Variants in SCN10A observed in about 807,000 individuals in gnomAD.
The protein encoded by SCN10A is sodium channel protein type 10 subunit alpha.
SCN10A carries 162 observed loss-of-function variants against 170.7 expected under a neutral mutation model. That is an observed-to-expected ratio of 0.95 (90% CI 0.84 to 1.08). The LOEUF is 1.08. SCN10A is among the 50% of genes least tolerant of loss of function. SCN10A has a pLI of 0.00. For missense variants in SCN10A, 2,527 were observed against 2,436.9 expected, an observed-to-expected ratio of 1.04 and a Z score of -0.78; for synonymous variants, 985 against 904.6, an observed-to-expected ratio of 1.09 and a Z score of -1.59.
At chr3:38,732,303 T>C (rs1317583698) in intron 15 of SCN10A, among the ~76,000 whole-genome samples, 2 of 152,192 alleles carry the variant, frequency 1.3e-5, no homozygotes, top group Non-Finnish European at 2.9e-5. Flanking sequence ...GGCATAGCCT[T>C]AAACCCCCTG....
At chr3:38,698,640 G>A (rs1223621056) in intron 27 of SCN10A, 78 bp from the exon 28 acceptor site, 2 of 1,401,464 alleles carry the variant, frequency 1.4e-6, no homozygotes, top group Non-Finnish European at 2.0e-6. Flanking sequence ...ATGACACTCT[G>A]CTTTGCTTGG....
intron 14 of SCN10A, among the ~76,000 whole-genome samples, chr3:38,741,531 A>G (rs1340899191): frequency 6.6e-6 from 1 of 152,194 alleles, no homozygotes; most frequent in Non-Finnish European, 1.5e-5. Flanking sequence ...ATAAAATGAG[A>G]TAATCCATGA....
intron 5 of SCN10A, among the ~76,000 whole-genome samples, chr3:38,768,437 G>T (rs1187240397): frequency 1.3e-5 from 2 of 151,992 alleles, no homozygotes; most frequent in Non-Finnish European, 2.9e-5. Context: ...TGGCTTGGTA[G>T]TGGAAAATTC....
rs369495152 is a variant in SCN10A at position 38,756,996 on chromosome 3, G to A, written c.1092+22C>T. ...CCCACCAGCCTCCAACCAAGTCTGC[G>A]TGGGGGAATGCAGCTCAGTACCTGC... On this transcript the variant is annotated intron_variant, in intron 9 of 27. Transcript: ENST00000449082. 2.3e-5 allele frequency: 37 copies of A among 1,604,112 alleles called. No individual in the cohort carries two copies. In the Admixed American group the frequency reaches 3.1e-4, roughly 13 times the overall value.
intron 10 of SCN10A, among the ~76,000 whole-genome samples, chr3:38,756,358 T>C (rs2063804902): frequency 6.6e-6 from 1 of 151,838 alleles, no homozygotes; most frequent in Non-Finnish European, 1.5e-5. Context: ...GTACAGGTCA[T>C]GCCCCAGAGT....
intron 1 of SCN10A, among the ~76,000 whole-genome samples, chr3:38,811,993 C>A (rs1372599204): frequency 6.6e-6 from 1 of 152,224 alleles, no homozygotes; most frequent in Non-Finnish European, 1.5e-5. Context: ...GCCAGGCAAC[C>A]AATCAATACT....
chr3:38,746,167 C>A (rs532682987), intron 13 of SCN10A, among the ~76,000 whole-genome samples: 2 of 147,776 alleles, frequency 1.4e-5, no homozygotes, highest in African/African-American at 5.0e-5. Flanking sequence ...GACACCCCTA[C>A]CTAGATGCTC....
rs187883532 is a variant in SCN10A at position 38,803,731 on chromosome 3, T to C, written c.-32-9689A>G. ...AGTTAATGGGTGCAGCACACCAACA[T>C]GACGCATGTATACATATGTAACAAA... On this transcript the variant is annotated intron_variant, in intron 1 of 27. Coordinates refer to ENST00000449082, the MANE Select transcript of SCN10A (RefSeq NM_006514.4). Among the ~76,000 whole-genome samples, 7 of 152,030 alleles carry C rather than the reference T, an allele frequency of 4.6e-5. No homozygotes were observed. In the East Asian group the frequency reaches 1.2e-3, roughly 25 times the overall value.
At chr3:38,812,591 T>G (rs73826373) in intron 1 of SCN10A, among the ~76,000 whole-genome samples, 1 of 152,098 alleles carries the variant, frequency 6.6e-6, no homozygotes, top group Non-Finnish European at 1.5e-5. Flanking sequence ...GACTCTCCCA[T>G]GCCCCTTCCC....
intron 21 of SCN10A, 61 bp downstream of exon 21, chr3:38,718,592 C>T (rs1290892644): frequency 1.0e-5 from 16 of 1,567,518 alleles, no homozygotes; most frequent in East Asian, 2.2e-5. Context: ...TTTGCCCTAG[C>T]TGTAGCCAGG....
At chr3:38,744,982 G>A (rs971626141) in intron 13 of SCN10A, among the ~76,000 whole-genome samples, 1 of 152,110 alleles carries the variant, frequency 6.6e-6, no homozygotes, top group African/African-American at 2.4e-5. Flanking sequence ...CACATCCTGG[G>A]ACCAAAATCA....
At chr3:38,799,726 T>G (rs2064360297) in intron 1 of SCN10A, among the ~76,000 whole-genome samples, 1 of 149,790 alleles carries the variant, frequency 6.7e-6, no homozygotes, top group African/African-American at 2.4e-5. Context: ...TATAAAGTTT[T>G]TCTTTAAAAA....
chr3:38,804,165 C>CT, intron 1 of SCN10A, among the ~76,000 whole-genome samples: 1 of 152,264 alleles, frequency 6.6e-6, no homozygotes, highest in South Asian at 2.1e-4. Context: ...TCATTGGAAC[C>CT]GAGTCTCACA....
At chr3:38,790,267 GA>G (rs1420548007) in intron 3 of SCN10A, among the ~76,000 whole-genome samples, 1 of 152,052 alleles carries the variant, frequency 6.6e-6, no homozygotes, top group African/African-American at 2.4e-5. Context: ...TATTTTTGGT[GA>G]AATATTAATA....
intron 13 of SCN10A, 138 bp downstream of exon 13, chr3:38,749,935 G>A (rs2063729596): frequency 4.0e-6 from 2 of 500,612 alleles, no homozygotes. Flanking sequence ...TGGGGCCTAA[G>A]ACATAAGAAT....
intron 20 of SCN10A, among the ~76,000 whole-genome samples, chr3:38,721,251 C>T (rs1203949792): frequency 2.6e-5 from 4 of 152,166 alleles, no homozygotes; most frequent in East Asian, 1.9e-4. Context: ...ACACATGAGG[C>T]GCAAGATGAG....
chr3:38,748,982 T>C (rs2063721167), intron 13 of SCN10A, among the ~76,000 whole-genome samples: 1 of 152,228 alleles, frequency 6.6e-6, no homozygotes. Flanking sequence ...AATGCACTGC[T>C]CTTCTAGGTA....
intron 1 of SCN10A, among the ~76,000 whole-genome samples, chr3:38,803,890 G>C (rs9827945): frequency 0.21 from 31,709 of 152,058 alleles, 5,234 homozygotes; most frequent in African/African-American, 0.46. Context: ...AAGTATAGCT[G>C]TCTAATTCTC....
At chr3:38,764,938 T>A (rs963338047) in intron 5 of SCN10A, among the ~76,000 whole-genome samples, 1 of 152,232 alleles carries the variant, frequency 6.6e-6, no homozygotes, top group Non-Finnish European at 1.5e-5. Context: ...TGGTTTTAAT[T>A]TGCATTTCCC....
Sources: gnomAD v4.1 joint callset for allele counts (sites outside exome capture counted in the v4.1 genomes callset) on GRCh38, gnomAD v4.1.1 for gene constraint, MANE v1.5 for transcripts, NCBI Gene and HGNC (gene_info 2026-07-23, HGNC 2026-07-21) for gene names.